The following NFATC3 variants were observed in gnomAD, a reference collection of about 807,000 sequenced individuals.
NFATC3 encodes nuclear factor of activated T cells 3.
A neutral mutation model predicts 98.6 loss-of-function variants in NFATC3; 46 were observed. That is an observed-to-expected ratio of 0.47 (90% CI 0.37 to 0.60). The LOEUF (loss-of-function observed/expected upper bound fraction) is 0.60. Ranked by LOEUF, NFATC3 falls within the 20% of genes least tolerant of loss-of-function variation. NFATC3 has a pLI of 0.00. For missense variants in NFATC3, 1,256 were observed against 1,295.5 expected, an observed-to-expected ratio of 0.97 and a Z score of 0.47; for synonymous variants, 512 against 472.2, an observed-to-expected ratio of 1.08 and a Z score of -1.09.
intron 9 of NFATC3, among the ~76,000 whole-genome samples, chr16:68,197,069 A>G (rs1250072217): frequency 6.6e-6 from 1 of 151,872 alleles, no homozygotes. Flanking sequence ...AAAAACCCAT[A>G]GACCTTGAAC....
intron 3 of NFATC3, among the ~76,000 whole-genome samples, chr16:68,139,735 T>C (rs746063103): frequency 7.2e-5 from 11 of 152,226 alleles, no homozygotes; most frequent in Non-Finnish European, 2.9e-5. Flanking sequence ...ATTAATGTGG[T>C]CACCAAATAA....
intron 4 of NFATC3, among the ~76,000 whole-genome samples, chr16:68,166,132 C>T (rs898809929): frequency 6.6e-6 from 1 of 152,138 alleles, no homozygotes; most frequent in African/African-American, 2.4e-5. Context: ...CTTGTTCTGA[C>T]GTAGTTACAT....
At chr16:68,123,996 A>C in intron 2 of NFATC3, among the ~76,000 whole-genome samples, 1 of 145,880 alleles carries the variant, frequency 6.9e-6, no homozygotes, top group East Asian at 2.0e-4. Flanking sequence ...ACCCCCCTAC[A>C]AAAAAAAAAA....
intron 2 of NFATC3, among the ~76,000 whole-genome samples, chr16:68,125,960 T>C (rs2036814853): frequency 1.3e-5 from 2 of 152,136 alleles, no homozygotes. Context: ...TGGCGCAATC[T>C]TGGCTCATTG....
At chr16:68,198,147 C>G (rs1795470918) in intron 9 of NFATC3, among the ~76,000 whole-genome samples, 1 of 152,022 alleles carries the variant, frequency 6.6e-6, no homozygotes, top group Non-Finnish European at 1.5e-5. Flanking sequence ...TGGCAAAACC[C>G]TGTCTGGAAA....
chr16:68,137,621 T>C (rs1384756173), intron 3 of NFATC3, among the ~76,000 whole-genome samples: 2 of 150,752 alleles, frequency 1.3e-5, no homozygotes, highest in Non-Finnish European at 3.0e-5. Context: ...TTTCCTTCTT[T>C]TTTTTTTTTT....
Position 68,122,740 on chromosome 16 carries a change from C to G in NFATC3, c.857C>G (p.Ser286Cys). Residue 286 changes from serine to cysteine, a missense_variant, in exon 2 of 10, where the codon TCC (serine) becomes TGC (cysteine). Ser to Cys is a moderately radical substitution (Grantham distance 112). This residue lies in a region of NFATC3 where 464 missense variants were observed against 465.7 expected (regional missense o/e 1.00). Coordinates refer to ENST00000346183, the MANE Select transcript of NFATC3 (RefSeq NM_173165.3). ...HSSAEVCYAG[S>C]LSPHHSPVPS... ...AGTGCTGAAGTTTGTTATGCTGGGT[C>G]CCTTTCACCCCATCACTCACCTGTT... 1 of 1,614,212 alleles carries G rather than the reference C, an allele frequency of 6.2e-7. No individual in the cohort carries two copies. The highest frequency in any genetic ancestry group is 1.1e-5 in the South Asian group (1 of 91,082).
chr16:68,189,378 CT>C, intron 8 of NFATC3: 1 of 214,248 alleles, frequency 4.7e-6, no homozygotes, highest in Non-Finnish European at 9.9e-6. Flanking sequence ...TCCAGCTTGG[CT>C]TTTGGTCTGT....
intron 4 of NFATC3, among the ~76,000 whole-genome samples, chr16:68,161,456 A>G (rs2038889513): frequency 1.3e-5 from 2 of 152,216 alleles, no homozygotes; most frequent in Admixed American, 1.3e-4. Flanking sequence ...ATAATCTGAA[A>G]AACCACTATT....
intron 4 of NFATC3, among the ~76,000 whole-genome samples, chr16:68,166,236 A>G (rs989707827): frequency 1.3e-5 from 2 of 152,154 alleles, no homozygotes; most frequent in Non-Finnish European, 2.9e-5. Context: ...ATTATTTTGC[A>G]TGATTCTTTG....
chr16:68,104,570 T>C (rs2035540712), intron 1 of NFATC3, among the ~76,000 whole-genome samples: 1 of 152,114 alleles, frequency 6.6e-6, no homozygotes, highest in African/African-American at 2.4e-5. Flanking sequence ...GGTGAAAGCA[T>C]GCATCCTTAT....
chr16:68,202,745 G>T lies in NFATC3; in HGVS notation c.3106+10970G>T, dbSNP rs187270739. Among the ~76,000 whole-genome samples, 698 of 152,224 alleles carry T rather than the reference G, an allele frequency of 4.6e-3. 7 individuals carry two copies. The highest frequency in any genetic ancestry group is 0.016 in the African/African-American group (684 of 41,536). ...GAGAATCGCTTGAACCTAGGAGGCG[G>T]AGGTTGCAGTGAGCCGAGATCGTGC... On this transcript the variant is annotated intron_variant, in intron 9 of 9. Coordinates refer to ENST00000346183, the MANE Select transcript of NFATC3 (RefSeq NM_173165.3).
chr16:68,121,242 C>CTTTT (rs753615194), intron 1 of NFATC3, among the ~76,000 whole-genome samples: 130 of 102,344 alleles, frequency 1.3e-3, no homozygotes, highest in African/African-American at 2.6e-3. Flanking sequence ...CTTTTCTTTT[C>CTTTT]TTTTTTTTTT....
chr16:68,200,676 A>G (rs1322536277), intron 9 of NFATC3: 2 of 152,134 alleles, frequency 1.3e-5, no homozygotes, highest in Non-Finnish European at 2.9e-5. Context: ...ATTAAGGCAT[A>G]GTTCATGACT....
At chr16:68,098,432 G>A (rs948353263) in intron 1 of NFATC3, among the ~76,000 whole-genome samples, 9 of 151,328 alleles carry the variant, frequency 5.9e-5, no homozygotes, top group Admixed American at 2.0e-4. Flanking sequence ...CTCCCGAGTA[G>A]CTGGGATTGC....
chr16:68,160,271 G>A (rs761652437), intron 4 of NFATC3, among the ~76,000 whole-genome samples: 18 of 151,718 alleles, frequency 1.2e-4, no homozygotes, highest in Admixed American at 2.6e-4. Context: ...CGAGACCAGC[G>A]TGGCCAATAT....
chr16:68,185,920 G>T (rs904265969), intron 8 of NFATC3, among the ~76,000 whole-genome samples: 3 of 149,146 alleles, frequency 2.0e-5, no homozygotes, highest in South Asian at 2.1e-4. Flanking sequence ...TTCAGCCCAT[G>T]AATTGGGAGG....
intron 1 of NFATC3, among the ~76,000 whole-genome samples, chr16:68,120,175 A>G (rs2036496138): frequency 6.6e-6 from 1 of 150,944 alleles, no homozygotes; most frequent in Non-Finnish European, 1.5e-5. Context: ...CGGCTACTTG[A>G]AAGGTTGAGG....
At chr16:68,099,454 A>G (rs1286574561) in intron 1 of NFATC3, among the ~76,000 whole-genome samples, 1 of 151,492 alleles carries the variant, frequency 6.6e-6, no homozygotes. Context: ...AAAATATATT[A>G]GCCGGGCATG....
Sources: gnomAD v4.1 joint callset for allele counts (sites outside exome capture counted in the v4.1 genomes callset) on GRCh38, gnomAD v4.1.1 for gene constraint, gnomAD v4.1.1 regional missense constraint, MANE v1.5 for transcripts, NCBI Gene and HGNC (gene_info 2026-07-23, HGNC 2026-07-21) for gene names.